NEURL1B: variants seen among roughly 807,000 people sequenced by gnomAD.
The protein encoded by NEURL1B is neuralized E3 ubiquitin protein ligase 1B.
NEURL1B carries 13 observed loss-of-function variants against 37.4 expected under a neutral mutation model. That is an observed-to-expected ratio of 0.35 (90% CI 0.23 to 0.55). NEURL1B has a LOEUF of 0.55. Ranked by LOEUF, NEURL1B falls within the 20% of genes least tolerant of loss-of-function variation. NEURL1B has a pLI of 0.89. For synonymous variants in NEURL1B, 432 were observed against 426.6 expected (o/e 1.01, Z -0.16); for missense variants, 790 against 879.2 (o/e 0.90, Z 1.28).
chr5:172,674,311 T>A (rs188241460), intron 2 of NEURL1B, among the ~76,000 whole-genome samples: 181 of 152,146 alleles, frequency 1.2e-3, no homozygotes, highest in African/African-American at 4.0e-3. Flanking sequence ...CACATATTTT[T>A]TTTGCCTGGT....
rs1758602131 is a variant in NEURL1B at position 172,689,857 on chromosome 5, C to T, written c.*2932C>T. Reference sequence around the variant, plus strand: ...CTGGGAGGAGAAGCGGCCTCCCTTCCAGGCTCATCTGCTCACTGCCCGCAT... The same window carrying T: ...CTGGGAGGAGAAGCGGCCTCCCTTCTAGGCTCATCTGCTCACTGCCCGCAT... On this transcript the variant is annotated 3_prime_UTR_variant, in exon 5 of 5. Coordinates refer to ENST00000369800, the MANE Select transcript of NEURL1B (RefSeq NM_001142651.3). 2 of 152,456 alleles carry T rather than the reference C, an allele frequency of 1.3e-5. No homozygotes were observed. The highest frequency in any genetic ancestry group is 2.9e-5 in the Non-Finnish European group (2 of 68,226). 9.4% of individuals were successfully genotyped at this position (152,456 alleles called of 1,614,324 possible). A position where few individuals can be genotyped will look rare whatever the true frequency, so the allele number is the denominator to read the frequency against.
intron 1 of NEURL1B, among the ~76,000 whole-genome samples, chr5:172,653,863 A>T (rs997326548): frequency 1.3e-5 from 2 of 152,082 alleles, no homozygotes; most frequent in Admixed American, 1.3e-4. Flanking sequence ...TTCTTTCACG[A>T]CTTTCAGACA....
At chr5:172,656,672 C>T (rs1757784634) in intron 1 of NEURL1B, 2 of 1,552,696 alleles carry the variant, frequency 1.3e-6, no homozygotes, top group African/African-American at 1.4e-5. Context: ...ACTTCTTGGG[C>T]TGTTTCAGTG....
chr5:172,673,461 T>C (rs988656243), intron 2 of NEURL1B, among the ~76,000 whole-genome samples: 4 of 152,108 alleles, frequency 2.6e-5, no homozygotes, highest in Non-Finnish European at 5.9e-5. Context: ...GACCTCTTCA[T>C]TCCTCCCTCA....
At position 172,645,345 on chromosome 5, in the gene NEURL1B, C is replaced by G. The variant is rs1385511346; in HGVS notation, c.31+3908C>G. 3.3e-5 allele frequency among the ~76,000 whole-genome samples: 5 copies of G among 152,306 alleles called. No homozygotes were observed. The East Asian group carries it at 9.7e-4, about 29-fold the overall frequency. Reference sequence around the variant, plus strand: ...TCGCTTACCCCAGACAGTCTGACATCCTCCCTTGCAGAGCCCTTTTCTCTT... The same window carrying G: ...TCGCTTACCCCAGACAGTCTGACATGCTCCCTTGCAGAGCCCTTTTCTCTT... On this transcript the variant is annotated intron_variant, in intron 1 of 4. Coordinates refer to ENST00000369800, the MANE Select transcript of NEURL1B (RefSeq NM_001142651.3).
Position 172,684,054 on chromosome 5 carries a change from C to A in NEURL1B, c.1213C>A (p.Arg405Ser). 7.5e-7 allele frequency: 1 copy of A among 1,330,144 alleles called. No individual in the cohort carries two copies. Among genetic ancestry groups the A allele is most frequent in the Admixed American group, 3.7e-5 (1 of 27,340 alleles). 82.4% of individuals were successfully genotyped at this position (1,330,144 alleles called of 1,614,324 possible). The change falls in exon 3 of 5, where the codon CGC becomes AGC. Residue 405 changes from arginine (R) to serine (S), a missense_variant. Arg to Ser is a moderately radical substitution (Grantham distance 110). This residue lies in a region of NEURL1B where 460 missense variants were observed against 407.4 expected (regional missense o/e 1.13). Coordinates refer to ENST00000369800, the MANE Select transcript of NEURL1B (RefSeq NM_001142651.3). ...LLGINGRPRGRLLCVDTTQAL... is the reference protein window; with the variant it reads ...LLGINGRPRGSLLCVDTTQAL... Reference sequence around the variant, plus strand: ...GGGCATCAACGGGCGTCCGCGCGGCCGCCTGCTGTGCGTCGACACCACGCA... The same window carrying A: ...GGGCATCAACGGGCGTCCGCGCGGCAGCCTGCTGTGCGTCGACACCACGCA...
intron 1 of NEURL1B, among the ~76,000 whole-genome samples, chr5:172,659,329 G>A (rs905295904): frequency 3.3e-5 from 5 of 152,098 alleles, no homozygotes; most frequent in Admixed American, 6.5e-5. Flanking sequence ...GGCTGAAGTT[G>A]GGAGCAGCCA....
intron 1 of NEURL1B, among the ~76,000 whole-genome samples, chr5:172,664,286 C>T (rs1757966192): frequency 6.6e-6 from 1 of 152,126 alleles, no homozygotes; most frequent in Non-Finnish European, 1.5e-5. Flanking sequence ...CTGCCTAGAG[C>T]CTTGTTTTCT....
Position 172,675,001 on chromosome 5 carries a change from C to G in NEURL1B, c.577+4671C>G, listed in dbSNP as rs1758205211. 6.6e-6 allele frequency among the ~76,000 whole-genome samples: 1 copy of G among 152,152 alleles called. No homozygotes were observed. On this transcript the variant is annotated intron_variant, in intron 2 of 4. Transcript: ENST00000369800. The surrounding 1 kb of genome is among the most constrained non-coding windows in gnomAD (Gnocchi z 4.7). ...TCTTCTGCCTCAGCCTCCCAAGTAGCTGGGATGACAGGCGCCTGCCACCAC... is the reference window on the plus strand; with the variant it reads ...TCTTCTGCCTCAGCCTCCCAAGTAGGTGGGATGACAGGCGCCTGCCACCAC...
At chr5:172,655,165 G>C (rs1390829106) in intron 1 of NEURL1B, among the ~76,000 whole-genome samples, 1 of 152,092 alleles carries the variant, frequency 6.6e-6, no homozygotes. Flanking sequence ...GGTTGTGTGA[G>C]GTTCAACCCT....
In NEURL1B at chr5:172,657,733, T is replaced by A. The variant is rs1023132429; in HGVS notation, c.32-12052T>A. Among the ~76,000 whole-genome samples, 3 of 152,088 alleles carry A rather than the reference T, an allele frequency of 2.0e-5. No homozygotes were observed. ...TTTCCTTGGAGGAGTCAGGGCACAC[T>A]CTGCTCCACCAGCTTCTTGTGGAAG... On this transcript the variant is annotated intron_variant, in intron 1 of 4. Coordinates refer to ENST00000369800, the MANE Select transcript of NEURL1B (RefSeq NM_001142651.3). This position sits in a 1 kb window ranked among gnomAD's most constrained non-coding sequence, Gnocchi z 4.0.
chr5:172,672,335 C>CT (rs1561648910), intron 2 of NEURL1B, among the ~76,000 whole-genome samples: 1 of 152,106 alleles, frequency 6.6e-6, no homozygotes, highest in Non-Finnish European at 1.5e-5. Context: ...TTCCCATCAT[C>CT]TTTTTTGGAG....
chr5:172,678,125 A>G (rs1035136151), intron 2 of NEURL1B, among the ~76,000 whole-genome samples: 1 of 150,382 alleles, frequency 6.6e-6, no homozygotes, highest in Non-Finnish European at 1.5e-5. Context: ...TTTCCTGGCC[A>G]CCCCTCGCCC....
At position 172,650,177 on chromosome 5, in the gene NEURL1B, G is replaced by A. The variant is rs140592523; in HGVS notation, c.31+8740G>A. 2.5e-3 allele frequency among the ~76,000 whole-genome samples: 385 copies of A among 152,308 alleles called. 2 individuals carry two copies. The highest frequency in any genetic ancestry group is 8.9e-3 in the African/African-American group (369 of 41,576). On this transcript the variant is annotated intron_variant, in intron 1 of 4. Transcript: ENST00000369800. ...TGCTACAAGGATGGATTTATGAGAT[G>A]GGTCTGCGCTGTACTCCGTGTCTCC...
rs566267624 is a variant in NEURL1B at position 172,687,678 on chromosome 5, A to C, written c.*753A>C. On this transcript the variant is annotated 3_prime_UTR_variant, in exon 5 of 5. Coordinates refer to ENST00000369800, the MANE Select transcript of NEURL1B (RefSeq NM_001142651.3). Reference sequence around the variant, plus strand: ...GTCATCTTTTCACCCCTTCACCCCCAGACTGTCTAATAATACACACATCAT... The same window carrying C: ...GTCATCTTTTCACCCCTTCACCCCCCGACTGTCTAATAATACACACATCAT... 1 of 152,260 alleles carries C rather than the reference A, an allele frequency of 6.6e-6. No homozygotes were observed. Among genetic ancestry groups the C allele is most frequent in the African/African-American group, 2.4e-5 (1 of 41,510 alleles). The allele number at this position is 152,260 out of a possible 1,614,324, so 9.4% of individuals were successfully genotyped here.
intron 1 of NEURL1B, among the ~76,000 whole-genome samples, chr5:172,668,762 C>T (rs1301979314): frequency 6.6e-6 from 1 of 152,136 alleles, no homozygotes; most frequent in African/African-American, 2.4e-5. Context: ...CTGCCACCTC[C>T]CAGGATCCCA....
At chr5:172,684,972 T>A (rs543249995) in intron 3 of NEURL1B, among the ~76,000 whole-genome samples, 1 of 152,340 alleles carries the variant, frequency 6.6e-6, no homozygotes, top group African/African-American at 2.4e-5. Context: ...GTTCCCTCAT[T>A]GAATTTTATC....
intron 2 of NEURL1B, among the ~76,000 whole-genome samples, chr5:172,674,942 T>C (rs771851139): frequency 6.6e-6 from 1 of 152,192 alleles, no homozygotes; most frequent in Non-Finnish European, 1.5e-5. Flanking sequence ...CAATCTTGGC[T>C]CACTGCAACC....
Position 172,691,292 on chromosome 5 carries a change from G to A in NEURL1B, c.*4367G>A, listed in dbSNP as rs771290733. The A allele has an allele frequency of 1.3e-5, 2 of 152,168 alleles. No individual in the cohort carries two copies. The highest frequency in any genetic ancestry group is 2.9e-5 in the Non-Finnish European group (2 of 68,052). 9.4% of individuals were successfully genotyped at this position (152,168 alleles called of 1,614,324 possible). A position where few individuals can be genotyped will look rare whatever the true frequency, so the allele number is the denominator to read the frequency against. On this transcript the variant is annotated 3_prime_UTR_variant, in exon 5 of 5. Transcript: ENST00000369800. The stretch of plus-strand genomic sequence containing the variant: ...CCCCACCCCACACACCACTACCTGT[G>A]TACAGACCTTTTAAAACATGTCTTC...
Sources: gnomAD v4.1 joint callset for allele counts (sites outside exome capture counted in the v4.1 genomes callset) on GRCh38, gnomAD v4.1.1 for gene constraint, gnomAD v4.1.1 regional missense constraint, Gnocchi (gnomAD v3.1) non-coding constraint, MANE v1.5 for transcripts, NCBI Gene and HGNC (gene_info 2026-07-23, HGNC 2026-07-21) for gene names.